KLF12: variants seen among roughly 807,000 people sequenced by gnomAD.
The protein encoded by KLF12 is KLF transcription factor 12.
A neutral mutation model predicts 37.8 loss-of-function variants in KLF12; 9 were observed. The ratio of observed to expected loss-of-function variants is 0.24; its 90% CI spans 0.14 to 0.42. The LOEUF (loss-of-function observed/expected upper bound fraction) is 0.42, where lower values mean the gene tolerates loss of function less well. Among genes scored for constraint, KLF12 ranks in the 10% least tolerant of loss-of-function variants. The pLI, the probability that KLF12 is intolerant of heterozygous loss-of-function variation, is 1.00. For missense variants in KLF12, 411 were observed against 516.0 expected, an observed-to-expected ratio of 0.80 and a Z score of 1.97; for synonymous variants, 208 against 202.1, an observed-to-expected ratio of 1.03 and a Z score of -0.25.
At chr13:73,725,461 A>G (rs1018772077) in intron 6 of KLF12, among the ~76,000 whole-genome samples, 2 of 152,142 alleles carry the variant, frequency 1.3e-5, no homozygotes, top group Non-Finnish European at 2.9e-5. Context: ...TTATAATGAT[A>G]AACAAGAAAA....
At chr13:74,173,360 C>A in the KLF12 span, among the ~76,000 whole-genome samples, 1 of 152,170 alleles carries the variant, frequency 6.6e-6, no homozygotes, top group Non-Finnish European at 1.5e-5. Flanking sequence ...TTCTTTCTTC[C>A]TTCTTTTGGG....
chr13:73,867,499 T>G (rs1886235701), intron 3 of KLF12, among the ~76,000 whole-genome samples: 1 of 151,314 alleles, frequency 6.6e-6, no homozygotes, highest in Non-Finnish European at 1.5e-5. Flanking sequence ...CATAAAGAAC[T>G]AAAATGAGTA....
intron 3 of KLF12, among the ~76,000 whole-genome samples, chr13:73,924,871 T>G (rs1275464356): frequency 6.6e-6 from 1 of 152,210 alleles, no homozygotes; most frequent in Non-Finnish European, 1.5e-5. Context: ...ATTGCTGATA[T>G]GGAGTAAGTT....
At chr13:74,210,202 G>C in the KLF12 span, among the ~76,000 whole-genome samples, 4,812 of 152,238 alleles carry the variant, frequency 0.032, 114 homozygotes, top group Middle Eastern at 0.071. Flanking sequence ...TCAAGTCATA[G>C]TAAATGGCAT....
intron 5 of KLF12, among the ~76,000 whole-genome samples, chr13:73,777,565 G>A (rs376494780): frequency 3.9e-5 from 6 of 152,106 alleles, no homozygotes; most frequent in East Asian, 1.9e-4. Context: ...AAAATTAGCC[G>A]GGCGCGGTGG....
intron 6 of KLF12, among the ~76,000 whole-genome samples, chr13:73,758,818 C>G (rs1276001266): frequency 1.3e-5 from 2 of 151,926 alleles, no homozygotes; most frequent in African/African-American, 4.8e-5. Flanking sequence ...CAGCTGATAC[C>G]AGCAGGAATA....
At chr13:74,158,514 C>T in the KLF12 span, among the ~76,000 whole-genome samples, 2 of 152,066 alleles carry the variant, frequency 1.3e-5, no homozygotes, top group South Asian at 2.1e-4. Flanking sequence ...AACTTCTGAA[C>T]TTGGATTAGG....
the KLF12 span, among the ~76,000 whole-genome samples, chr13:74,181,533 AC>A: frequency 6.6e-6 from 1 of 150,954 alleles, no homozygotes; most frequent in Non-Finnish European, 1.5e-5. Flanking sequence ...AAACAAACAA[AC>A]AAAAAAAGAA....
intron 5 of KLF12, 102 bp downstream of exon 5, chr13:73,813,050 A>G: frequency 7.8e-7 from 1 of 1,282,042 alleles, no homozygotes. Flanking sequence ...GTGCCAGTTC[A>G]CAGCTAGAAT....
chr13:74,256,688 T>TGTGTGTGTGTGTG, the KLF12 span, among the ~76,000 whole-genome samples: 1 of 147,906 alleles, frequency 6.8e-6, no homozygotes, highest in African/African-American at 2.5e-5. Context: ...TGAGTAGAGC[T>TGTGTGTGTGTGTG]TGTGTGTGTG....
chr13:73,700,427 A>C (rs1466114538), intron 7 of KLF12, among the ~76,000 whole-genome samples: 2 of 151,972 alleles, frequency 1.3e-5, no homozygotes, highest in African/African-American at 4.8e-5. Context: ...AGAAAACAGT[A>C]ATTTAATTAT....
In KLF12 at chr13:74,022,066, A is replaced by C. The variant is rs1016808569; in HGVS notation, c.-31-27013T>G. On this transcript the variant is annotated intron_variant, in intron 1 of 7. Coordinates refer to ENST00000377669, the MANE Select transcript of KLF12 (RefSeq NM_007249.5). ...CATCTACATGCAAAAGACCTGCTTT[A>C]AATCTGATCTTTTTGTGTCTTAGAT... 2.0e-5 allele frequency among the ~76,000 whole-genome samples: 3 copies of C among 152,314 alleles called. No individual in the cohort carries two copies. In the East Asian group the frequency reaches 5.8e-4, roughly 29 times the overall value.
intron 2 of KLF12, among the ~76,000 whole-genome samples, chr13:73,959,812 G>C (rs1479882136): frequency 6.6e-6 from 1 of 151,982 alleles, no homozygotes; most frequent in Non-Finnish European, 1.5e-5. Flanking sequence ...ATTTTAAAAG[G>C]GCAATGCATA....
chr13:73,696,868 G>T (rs961858117), intron 7 of KLF12, among the ~76,000 whole-genome samples: 1 of 152,148 alleles, frequency 6.6e-6, no homozygotes, highest in Non-Finnish European at 1.5e-5. Context: ...CACAACTTCA[G>T]ACAGAGTTAG....
intron 1 of KLF12, among the ~76,000 whole-genome samples, chr13:74,015,725 T>G (rs367664689): frequency 3.3e-4 from 51 of 152,320 alleles, no homozygotes; most frequent in African/African-American, 1.2e-3. Flanking sequence ...TCTGGCTAAC[T>G]CCTACTTTGC....
chr13:74,003,656 T>C (rs936871382), intron 1 of KLF12, among the ~76,000 whole-genome samples: 2 of 152,194 alleles, frequency 1.3e-5, no homozygotes, highest in Admixed American at 6.5e-5. Context: ...TTGATATTTC[T>C]GACACTGCTG....
chr13:74,239,203 G>A, the KLF12 span, among the ~76,000 whole-genome samples: 1 of 151,662 alleles, frequency 6.6e-6, no homozygotes, highest in Admixed American at 6.6e-5. Context: ...TATGTACCCA[G>A]TAGTCATTCA....
intron 1 of KLF12, among the ~76,000 whole-genome samples, chr13:74,019,926 A>T (rs921716980): frequency 2.6e-5 from 4 of 152,198 alleles, no homozygotes; most frequent in African/African-American, 9.7e-5. Context: ...CAATTTCAAA[A>T]TCTTTAGGGA....
chr13:73,805,606 AAGGAAGGGAGGG>A (rs1330660981), intron 5 of KLF12, among the ~76,000 whole-genome samples: 4 of 50,114 alleles, frequency 8.0e-5, no homozygotes, highest in African/African-American at 2.9e-4. Flanking sequence ...GCACTGTCAG[AAGGAAGGGAGGG>A]AGGGAGGGAG....
Sources: gnomAD v4.1 joint callset for allele counts (sites outside exome capture counted in the v4.1 genomes callset) on GRCh38, gnomAD v4.1.1 for gene constraint, MANE v1.5 for transcripts, NCBI Gene and HGNC (gene_info 2026-07-23, HGNC 2026-07-21) for gene names.